SCAF8: variants seen among roughly 807,000 people sequenced by gnomAD.
SCAF8 encodes SR-related and CTD-associated factor 8.
In SCAF8, 23 loss-of-function variants were observed where a neutral mutation model predicts 140.5. The observed-to-expected ratio is 0.16, with a 90% confidence interval of 0.12 to 0.23. The LOEUF (loss-of-function observed/expected upper bound fraction) is 0.23, where lower values mean the gene tolerates loss of function less well. SCAF8 is among the 10% of genes least tolerant of loss of function. The pLI, the probability that SCAF8 is intolerant of heterozygous loss-of-function variation, is 1.00. For missense variants in SCAF8, 1,397 were observed against 1,555.7 expected (o/e 0.90, Z 1.72); for synonymous variants, 575 against 528.9 (o/e 1.09, Z -1.20).
intron 3 of SCAF8, among the ~76,000 whole-genome samples, chr6:154,780,593 A>C (rs989531990): frequency 1.3e-5 from 2 of 150,292 alleles, no homozygotes; most frequent in Non-Finnish European, 3.0e-5. Flanking sequence ...TCATTGTTCA[A>C]CTCCCACTTA....
chr6:154,785,863 A>C (rs1182564000), intron 3 of SCAF8, among the ~76,000 whole-genome samples: 1 of 152,180 alleles, frequency 6.6e-6, no homozygotes, highest in Non-Finnish European at 1.5e-5. Flanking sequence ...CCCCCTAAAA[A>C]GGCTATTTCT....
intron 5 of SCAF8, among the ~76,000 whole-genome samples, chr6:154,793,484 T>A (rs952740546): frequency 5.9e-5 from 9 of 151,972 alleles, no homozygotes; most frequent in Non-Finnish European, 1.2e-4. Context: ...CATAATTTTT[T>A]AAATAATTTT....
At chr6:154,825,942 A>T (rs893497698) in intron 17 of SCAF8, among the ~76,000 whole-genome samples, 4 of 152,100 alleles carry the variant, frequency 2.6e-5, no homozygotes, top group African/African-American at 4.8e-5. Flanking sequence ...AGGTCAAAAC[A>T]ATATATATAT....
rs986195224 is a variant in SCAF8 at position 154,808,184 on chromosome 6, A to G, written c.1096A>G (p.Ile366Val). Reference sequence around the variant, plus strand: ...ACCTGAAGTCAATTTGGATGATTCCATAGATATTCAGCAACAGGTAAAAGT... The same window carrying G: ...ACCTGAAGTCAATTTGGATGATTCCGTAGATATTCAGCAACAGGTAAAAGT... ...LEPEVNLDDS[I>V]DIQQQDMDID... Residue 366 changes from isoleucine (I) to valine (V), a missense_variant, in exon 10 of 20, where the codon ATA (isoleucine) becomes GTA (valine). Ile to Val is a conservative substitution (Grantham distance 29, BLOSUM62 3). Coordinates refer to ENST00000367178, the MANE Select transcript of SCAF8 (RefSeq NM_014892.5). The G allele has an allele frequency of 5.6e-6, 9 of 1,613,602 alleles. No homozygotes were observed. Among genetic ancestry groups the G allele is most frequent in the Admixed American group, 5.0e-5 (3 of 59,958 alleles).
intron 12 of SCAF8, among the ~76,000 whole-genome samples, chr6:154,812,226 C>T (rs1295226041): frequency 1.6e-5 from 2 of 128,540 alleles, no homozygotes; most frequent in Non-Finnish European, 3.1e-5. Context: ...TGTGACCACC[C>T]TATGTTGAGT....
intron 1 of SCAF8, among the ~76,000 whole-genome samples, chr6:154,770,598 TAGAA>T (rs1776729798): frequency 6.6e-6 from 1 of 151,960 alleles, no homozygotes; most frequent in African/African-American, 2.4e-5. Context: ...AAAAAATTCT[TAGAA>T]AGTATGTGAT....
At chr6:154,829,158 A>T (rs1364165513) in intron 18 of SCAF8, among the ~76,000 whole-genome samples, 1 of 152,184 alleles carries the variant, frequency 6.6e-6, no homozygotes, top group African/African-American at 2.4e-5. Context: ...AATAATGTAT[A>T]ATCAAATTAT....
At chr6:154,811,557 C>CT (rs757985876) in intron 12 of SCAF8, among the ~76,000 whole-genome samples, 2 of 151,926 alleles carry the variant, frequency 1.3e-5, no homozygotes, top group Non-Finnish European at 2.9e-5. Flanking sequence ...TTAAATTATA[C>CT]TTTAAGTTCT....
intron 1 of SCAF8, among the ~76,000 whole-genome samples, chr6:154,750,525 T>C (rs1245247606): frequency 6.6e-6 from 1 of 152,212 alleles, no homozygotes; most frequent in African/African-American, 2.4e-5. Flanking sequence ...CAACTCTGTG[T>C]GAAGTATGCT....
chr6:154,833,065 G>C lies in SCAF8; in HGVS notation c.3486G>C (p.Arg1162Ser). 1.9e-6 allele frequency: 3 copies of C among 1,614,106 alleles called. No homozygotes were observed. Among genetic ancestry groups the C allele is most frequent in the South Asian group, 1.1e-5 (1 of 91,082 alleles). The part of the protein sequence containing the change: ...RRRPWERQRD[R>S]DDRDFDFCRE... ...GACCCTGGGAGAGGCAAAGGGATAG[G>C]GATGACAGAGATTTTGATTTCTGCA... Residue 1162 changes from arginine (R) to serine (S), a missense_variant, in exon 20 of 20, where the codon AGG becomes AGC. This residue lies in a region of SCAF8 where 930 missense variants were observed against 874.6 expected (regional missense o/e 1.06). Coordinates refer to ENST00000367178, the MANE Select transcript of SCAF8 (RefSeq NM_014892.5).
At chr6:154,790,292 A>G (rs1406328859) in intron 4 of SCAF8, among the ~76,000 whole-genome samples, 6 of 152,174 alleles carry the variant, frequency 3.9e-5, no homozygotes, top group Non-Finnish European at 7.4e-5. Flanking sequence ...TAGAGTGGAG[A>G]AATAGTCAAA....
intron 16 of SCAF8, 67 bp downstream of exon 16, chr6:154,822,476 T>C: frequency 6.8e-7 from 1 of 1,462,970 alleles, no homozygotes. Flanking sequence ...ATCATGTATT[T>C]ACTTTATAAA....
chr6:154,737,056 A>G (rs1167289098), intron 1 of SCAF8, among the ~76,000 whole-genome samples: 1 of 152,246 alleles, frequency 6.6e-6, no homozygotes, highest in Non-Finnish European at 1.5e-5. Flanking sequence ...GCTGATGTGT[A>G]GTAAACATTG....
At chr6:154,798,800 T>TTTTG (rs987109109) in intron 6 of SCAF8, among the ~76,000 whole-genome samples, 1 of 150,844 alleles carries the variant, frequency 6.6e-6, no homozygotes, top group South Asian at 2.1e-4. Flanking sequence ...GCCCAAGATG[T>TTTTG]TTTGTTTGTT....
intron 3 of SCAF8, among the ~76,000 whole-genome samples, chr6:154,783,107 T>G (rs1433107334): frequency 6.6e-6 from 1 of 152,232 alleles, no homozygotes; most frequent in Non-Finnish European, 1.5e-5. Flanking sequence ...CATGATTTGG[T>G]GACTTTTCTA....
chr6:154,742,406 CAT>C (rs1002154142), intron 1 of SCAF8, among the ~76,000 whole-genome samples: 3 of 152,024 alleles, frequency 2.0e-5, no homozygotes, highest in Non-Finnish European at 2.9e-5. Context: ...AAATTATTGA[CAT>C]ATATGCTATA....
At chr6:154,736,313 C>G (rs138121215) in intron 1 of SCAF8, among the ~76,000 whole-genome samples, 1 of 148,262 alleles carries the variant, frequency 6.7e-6, no homozygotes, top group Non-Finnish European at 1.5e-5. Context: ...TCTTGTTGCC[C>G]AGGCTGGAGT....
chr6:154,810,217 C>G lies in SCAF8; in HGVS notation c.1420+9C>G, dbSNP rs1377743840. On this transcript the variant is annotated intron_variant, in intron 12 of 19. Coordinates refer to ENST00000367178, the MANE Select transcript of SCAF8 (RefSeq NM_014892.5). ...ATCTAAAACACTAAGTGGTAAGTAA[C>G]ATATATCTGCAACGCTTTGGTTTCA... 1.9e-6 allele frequency: 3 copies of G among 1,561,164 alleles called. No individual in the cohort carries two copies. The highest frequency in any genetic ancestry group is 2.6e-6 in the Non-Finnish European group (3 of 1,148,604).
intron 1 of SCAF8, among the ~76,000 whole-genome samples, chr6:154,757,226 C>G (rs1485130968): frequency 6.6e-6 from 1 of 152,114 alleles, no homozygotes; most frequent in Non-Finnish European, 1.5e-5. Flanking sequence ...AACTCCTGGC[C>G]TCAAGTGATC....
Sources: gnomAD v4.1 joint callset for allele counts (sites outside exome capture counted in the v4.1 genomes callset) on GRCh38, gnomAD v4.1.1 for gene constraint, gnomAD v4.1.1 regional missense constraint, MANE v1.5 for transcripts, NCBI Gene and HGNC (gene_info 2026-07-23, HGNC 2026-07-21) for gene names.